Variants in DEPDC5 observed in about 807,000 individuals in gnomAD.
DEPDC5 encodes DEP domain containing 5, GATOR1 subcomplex subunit.
A neutral mutation model predicts 217.3 loss-of-function variants in DEPDC5; 73 were observed. The observed-to-expected ratio is 0.34, with a 90% CI of 0.28 to 0.41. The LOEUF (loss-of-function observed/expected upper bound fraction) is 0.41. Ranked by LOEUF, DEPDC5 falls within the 10% of genes least tolerant of loss-of-function variation. DEPDC5 has a pLI of 1.00. For synonymous variants in DEPDC5, 733 were observed against 756.7 expected (o/e 0.97, Z 0.51); for missense variants, 1,675 against 2,070.1 (o/e 0.81, Z 3.70).
At chr22:31,865,568 T>C (rs1027228097) in intron 33 of DEPDC5, among the ~76,000 whole-genome samples, 2 of 152,110 alleles carry the variant, frequency 1.3e-5, no homozygotes, top group African/African-American at 4.8e-5. Flanking sequence ...GATGGACACA[T>C]AGAGGAAGGA....
intron 24 of DEPDC5, among the ~76,000 whole-genome samples, chr22:31,825,615 G>A (rs529710472): frequency 6.6e-6 from 1 of 151,978 alleles, no homozygotes; most frequent in Admixed American, 6.6e-5. Flanking sequence ...CCTCACCTCC[G>A]TTCTCACTGC....
chr22:31,825,099 G>A (rs944624140), intron 24 of DEPDC5, among the ~76,000 whole-genome samples: 1 of 152,070 alleles, frequency 6.6e-6, no homozygotes, highest in East Asian at 1.9e-4. Flanking sequence ...GTAGAGTTGC[G>A]CCGAGGAGGG....
chr22:31,871,844 G>C (rs955319733), intron 34 of DEPDC5, among the ~76,000 whole-genome samples: 3 of 152,172 alleles, frequency 2.0e-5, no homozygotes, highest in African/African-American at 7.2e-5. Context: ...ACTAGCAGTG[G>C]GTCCTGCTGC....
At chr22:31,843,528 T>G (rs944779096) in intron 28 of DEPDC5, 117 bp from the exon 29 acceptor site, 17 of 1,271,616 alleles carry the variant, frequency 1.3e-5, no homozygotes, top group Non-Finnish European at 1.5e-5. Context: ...AGTTGGTTAC[T>G]ACAGTTGAGG....
chr22:31,813,781 C>T (rs2088732919), intron 20 of DEPDC5: 1 of 151,954 alleles, frequency 6.6e-6, no homozygotes, highest in Non-Finnish European at 1.5e-5. Context: ...ACCATGTTGT[C>T]AGCCTTGTTT....
At chr22:31,808,601 A>AT (rs1253394441) in intron 18 of DEPDC5, among the ~76,000 whole-genome samples, 1 of 151,756 alleles carries the variant, frequency 6.6e-6, no homozygotes, top group African/African-American at 2.4e-5. Context: ...CGCCCAGCTA[A>AT]TTTTTTGTGT....
chr22:31,753,997 G>C (rs2075100131), upstream of DEPDC5: 2 of 152,702 alleles, frequency 1.3e-5, no homozygotes, highest in South Asian at 4.0e-4. Flanking sequence ...GGGTTCTCAG[G>C]TGAGCGCTAC....
intron 40 of DEPDC5, among the ~76,000 whole-genome samples, chr22:31,898,426 A>G (rs1156271837): frequency 2.0e-5 from 3 of 152,152 alleles, no homozygotes; most frequent in African/African-American, 7.2e-5. Flanking sequence ...AAAGCTTTTG[A>G]TGAGTTCACA....
At chr22:31,853,812 G>T (rs1293861465) in intron 31 of DEPDC5, among the ~76,000 whole-genome samples, 1 of 152,152 alleles carries the variant, frequency 6.6e-6, no homozygotes, top group Non-Finnish European at 1.5e-5. Flanking sequence ...AGCCAAGTCA[G>T]GGCAGAGAGA....
intron 34 of DEPDC5, among the ~76,000 whole-genome samples, chr22:31,872,735 TTTTTATTTTA>T (rs67287577): frequency 2.0e-5 from 3 of 150,876 alleles, no homozygotes; most frequent in Non-Finnish European, 4.4e-5. Flanking sequence ...ATGTGGACAT[TTTTTATTTTA>T]TTTTATTTTA....
At chr22:31,872,272 A>G (rs1479854833) in intron 34 of DEPDC5, among the ~76,000 whole-genome samples, 1 of 152,224 alleles carries the variant, frequency 6.6e-6, no homozygotes, top group Non-Finnish European at 1.5e-5. Flanking sequence ...ATTCAGATCC[A>G]CATCCTGGTA....
intron 33 of DEPDC5, among the ~76,000 whole-genome samples, chr22:31,862,945 T>C (rs905340754): frequency 6.6e-6 from 1 of 152,204 alleles, no homozygotes; most frequent in African/African-American, 2.4e-5. Flanking sequence ...TCTTACTCGG[T>C]TGTCCAGGCT....
At chr22:31,822,135 A>T (rs1161441102) in intron 23 of DEPDC5, among the ~76,000 whole-genome samples, 1 of 152,250 alleles carries the variant, frequency 6.6e-6, no homozygotes, top group East Asian at 1.9e-4. Flanking sequence ...AATGCTCTGA[A>T]TGTGTTACGA....
intron 37 of DEPDC5, among the ~76,000 whole-genome samples, chr22:31,878,240 G>T (rs2093060973): frequency 6.6e-6 from 1 of 151,706 alleles, no homozygotes; most frequent in South Asian, 2.1e-4. Flanking sequence ...CACTCCCCAT[G>T]CTCTCTTGTC....
Position 31,897,523 on chromosome 22 carries a change from G to A in DEPDC5, c.4245G>A (p.Leu1415=), listed in dbSNP as rs774720273. ...GGAAAGCCACCTCCTGTGGCTTCTT[G>A]TTAGTCCCAGTTTTGGAGGGGCCTT... is the stretch of plus-strand genomic sequence containing the variant. ...WHRKATSCGF[L]LVPVLEGPFA... is the part of the protein sequence containing the mutation. Residue 1415 remains leucine (L), a synonymous_variant, in exon 40 of 43, where the codon TTG becomes TTA. Coordinates refer to ENST00000651528, the MANE Select transcript of DEPDC5 (RefSeq NM_001242896.3). 6.2e-7 allele frequency: 1 copy of A among 1,614,076 alleles called. No individual in the cohort carries two copies. The highest frequency in any genetic ancestry group is 1.1e-5 in the South Asian group (1 of 91,076).
rs1343368395 is a variant in DEPDC5 at position 31,843,663 on chromosome 22, C to G, written c.2652C>G (p.Ala884=). The G allele has an allele frequency of 1.2e-6, 2 of 1,606,692 alleles. No individual in the cohort carries two copies. The highest frequency in any genetic ancestry group is 1.7e-6 in the Non-Finnish European group (2 of 1,174,184). The change falls in exon 29 of 43, where the codon GCC becomes GCG. Residue 884 remains alanine, a synonymous_variant. Transcript: ENST00000651528. ...TTTGCAGGTATCCTTATGAATCTGC[C>G]CAGATCCACTACACCTACAGCCTCT... ...RYLPKYPYES[A]QIHYTYSLCP...
intron 38 of DEPDC5, among the ~76,000 whole-genome samples, chr22:31,880,912 G>A (rs1229992830): frequency 2.0e-5 from 3 of 152,114 alleles, no homozygotes; most frequent in Non-Finnish European, 4.4e-5. Context: ...GTACTCGGGA[G>A]GCTGAGGCAG....
At chr22:31,809,699 G>A (rs776793756) in intron 19 of DEPDC5, 52 bp downstream of exon 19, 41 of 1,598,768 alleles carry the variant, frequency 2.6e-5, no homozygotes, top group Admixed American at 8.4e-5. Context: ...GAGTCAGCTG[G>A]CTGGGTGCAG....
intron 38 of DEPDC5, among the ~76,000 whole-genome samples, chr22:31,889,666 A>G (rs2093397597): frequency 6.7e-6 from 1 of 148,734 alleles, no homozygotes; most frequent in Non-Finnish European, 1.5e-5. Flanking sequence ...TCAGCCTCCC[A>G]AGTAGCTGGG....
Sources: allele counts gnomAD v4.1 joint callset (sites outside exome capture counted in the v4.1 genomes callset), GRCh38; gene constraint gnomAD v4.1.1; transcripts MANE v1.5; gene names NCBI Gene and HGNC (gene_info 2026-07-23, HGNC 2026-07-21).